The following CHRM3 variants were observed in gnomAD, a reference collection of about 807,000 sequenced individuals.
The protein encoded by CHRM3 is cholinergic receptor muscarinic 3.
In CHRM3, 11 loss-of-function variants were observed where a neutral mutation model predicts 41.8. The ratio of observed to expected loss-of-function variants is 0.26; its 90% CI spans 0.17 to 0.44. The LOEUF (loss-of-function observed/expected upper bound fraction) is 0.44, where lower values mean the gene tolerates loss of function less well. CHRM3 is among the 20% of genes least tolerant of loss of function. CHRM3 has a pLI of 1.00. For missense variants in CHRM3, 571 were observed against 745.4 expected, an observed-to-expected ratio of 0.77 and a Z score of 2.72; for synonymous variants, 297 against 301.4, an observed-to-expected ratio of 0.99 and a Z score of 0.15.
chr1:239,813,193 G>A (rs1484153336), intron 5 of CHRM3, among the ~76,000 whole-genome samples: 2 of 152,018 alleles, frequency 1.3e-5, no homozygotes, highest in African/African-American at 2.4e-5. Context: ...CAGGAGAATC[G>A]CTTGAACCCG....
chr1:239,409,221 T>C (rs1456598119), intron 1 of CHRM3, among the ~76,000 whole-genome samples: 1 of 152,184 alleles, frequency 6.6e-6, no homozygotes, highest in African/African-American at 2.4e-5. Context: ...TGCTGGGACT[T>C]AAGAAGACCA....
intron 2 of CHRM3, among the ~76,000 whole-genome samples, chr1:239,528,558 G>C (rs968257824): frequency 9.2e-5 from 14 of 152,198 alleles, no homozygotes; most frequent in African/African-American, 2.9e-4. Context: ...TGCAGATCCT[G>C]GAGCAGCAGA....
chr1:239,890,853 C>T (rs1182912751), intron 6 of CHRM3, among the ~76,000 whole-genome samples: 9 of 152,148 alleles, frequency 5.9e-5, no homozygotes, highest in Non-Finnish European at 1.2e-4. Context: ...CATTCCTTTG[C>T]AACATAGTAA....
chr1:239,408,534 A>C (rs79175804), intron 1 of CHRM3, among the ~76,000 whole-genome samples: 6 of 150,528 alleles, frequency 4.0e-5, no homozygotes, highest in Non-Finnish European at 5.9e-5. Context: ...AAAAAAAAAA[A>C]AAAAAAAAAA....
intron 1 of CHRM3, among the ~76,000 whole-genome samples, chr1:239,454,489 G>A (rs939179738): frequency 1.3e-5 from 2 of 149,772 alleles, no homozygotes; most frequent in African/African-American, 2.5e-5. Flanking sequence ...TTTTTTTTAT[G>A]GAGGCTTCAT....
Position 239,748,104 on chromosome 1 carries a change from C to G in CHRM3, c.-147+69816C>G, listed in dbSNP as rs912049041. Among the ~76,000 whole-genome samples, 1 of 152,172 alleles carries G rather than the reference C, an allele frequency of 6.6e-6. No homozygotes were observed. The highest frequency in any genetic ancestry group is 6.5e-5 in the Admixed American group (1 of 15,272). On this transcript the variant is annotated intron_variant, in intron 5 of 6. Transcript: ENST00000676153. The surrounding 1 kb of genome is among the most constrained non-coding windows in gnomAD (Gnocchi z 4.3). Reference sequence around the variant, plus strand: ...TAAGGAAAAGCCCTTACAATTTGAACAGACACCCTATAGATATCACTGTCT... The same window carrying G: ...TAAGGAAAAGCCCTTACAATTTGAAGAGACACCCTATAGATATCACTGTCT...
chr1:239,912,564 A>G lies in CHRM3; in HGVS notation c.*3340A>G, dbSNP rs1222123685. On this transcript the variant is annotated 3_prime_UTR_variant, in exon 7 of 7. Coordinates refer to ENST00000676153, the MANE Select transcript of CHRM3 (RefSeq NM_001375978.1). ...GGCTCATTGCTCTGCAGAGCGCTGG[A>G]AGCCCCTTCATGTATCGAGAGAGAA... 6.0e-6 allele frequency: 1 copy of G among 167,094 alleles called. No homozygotes were observed. Among genetic ancestry groups the G allele is most frequent in the South Asian group, 2.1e-4 (1 of 4,832 alleles). The allele number at this position is 167,094 out of a possible 1,614,324, so 10.4% of individuals were successfully genotyped here. A position where few individuals can be genotyped will look rare whatever the true frequency, so the allele number is the denominator to read the frequency against.
Position 239,515,216 on chromosome 1 carries a change from T to C in CHRM3, c.-422+22409T>C, listed in dbSNP as rs372360529. ...ACTGAATATTCAAATCTAAAGTTCTTAAAAATGCCTAATAAAATAAAATTT... is the reference window on the plus strand; with the variant it reads ...ACTGAATATTCAAATCTAAAGTTCTCAAAAATGCCTAATAAAATAAAATTT... On this transcript the variant is annotated intron_variant, in intron 2 of 6. Coordinates refer to ENST00000676153, the MANE Select transcript of CHRM3 (RefSeq NM_001375978.1). Among the ~76,000 whole-genome samples, 3 of 152,018 alleles carry C rather than the reference T, an allele frequency of 2.0e-5. No homozygotes were observed. The East Asian group carries it at 5.8e-4, about 29-fold the overall frequency.
At chr1:239,663,162 G>C (rs1558431855) in intron 4 of CHRM3, among the ~76,000 whole-genome samples, 1 of 151,840 alleles carries the variant, frequency 6.6e-6, no homozygotes, top group Non-Finnish European at 1.5e-5. Flanking sequence ...CCTCTGTTCT[G>C]CCCACTCTGC....
At chr1:239,725,364 T>C (rs1663338844) in intron 5 of CHRM3, among the ~76,000 whole-genome samples, 1 of 152,032 alleles carries the variant, frequency 6.6e-6, no homozygotes, top group African/African-American at 2.4e-5. Context: ...AAAGCCTGCA[T>C]ATACAAATTA....
intron 1 of CHRM3, among the ~76,000 whole-genome samples, chr1:239,389,380 G>C (rs1658820603): frequency 6.6e-6 from 1 of 152,258 alleles, no homozygotes; most frequent in Admixed American, 6.5e-5. Flanking sequence ...GAAGTAAAAT[G>C]TCACTTCAAA....
intron 4 of CHRM3, among the ~76,000 whole-genome samples, chr1:239,644,852 T>G (rs1024770836): frequency 6.6e-6 from 1 of 152,140 alleles, no homozygotes; most frequent in Non-Finnish European, 1.5e-5. Context: ...CCCAGCAGGG[T>G]CCCATGGCCT....
At chr1:239,556,928 A>G (rs538179034) in intron 3 of CHRM3, among the ~76,000 whole-genome samples, 35 of 152,278 alleles carry the variant, frequency 2.3e-4, no homozygotes, top group Admixed American at 1.3e-3. Context: ...GCTTCTACGT[A>G]TTTATTTTTG....
intron 4 of CHRM3, among the ~76,000 whole-genome samples, chr1:239,635,983 A>C (rs565233288): frequency 6.6e-6 from 1 of 152,314 alleles, no homozygotes; most frequent in East Asian, 1.9e-4. Flanking sequence ...AAGATGAAGA[A>C]ACAATCTAGG....
At chr1:239,411,356 C>T (rs545908878) in intron 1 of CHRM3, among the ~76,000 whole-genome samples, 1 of 152,014 alleles carries the variant, frequency 6.6e-6, no homozygotes, top group Non-Finnish European at 1.5e-5. Flanking sequence ...TAACATGTAG[C>T]TTATTTGGGC....
chr1:239,454,212 GCTT>G (rs1399496010), intron 1 of CHRM3, among the ~76,000 whole-genome samples: 2 of 152,138 alleles, frequency 1.3e-5, no homozygotes, highest in African/African-American at 4.8e-5. Flanking sequence ...GCAAGTCTGA[GCTT>G]CTGGAGCTTC....
At chr1:239,866,325 T>C (rs575718637) in intron 6 of CHRM3, among the ~76,000 whole-genome samples, 7 of 151,710 alleles carry the variant, frequency 4.6e-5, no homozygotes, top group African/African-American at 1.2e-4. Flanking sequence ...TGCAGTGAGC[T>C]GAGATCGGAG....
At chr1:239,729,383 G>A (rs1047474612) in intron 5 of CHRM3, among the ~76,000 whole-genome samples, 8 of 151,868 alleles carry the variant, frequency 5.3e-5, no homozygotes, top group East Asian at 3.9e-4. Context: ...GCTGAACTGC[G>A]TACTTCTTTC....
At chr1:239,604,550 T>C in intron 3 of CHRM3, among the ~76,000 whole-genome samples, 1 of 152,224 alleles carries the variant, frequency 6.6e-6, no homozygotes, top group East Asian at 1.9e-4. Context: ...GACAAGTGAA[T>C]CTCTGCTGGC....
Sources: allele counts gnomAD v4.1 joint callset (sites outside exome capture counted in the v4.1 genomes callset), GRCh38; gene constraint gnomAD v4.1.1; non-coding constraint Gnocchi (gnomAD v3.1); transcripts MANE v1.5; gene names NCBI Gene and HGNC (gene_info 2026-07-23, HGNC 2026-07-21).